The following SGMS1 variants were observed in gnomAD, a reference collection of about 807,000 sequenced individuals.
The protein encoded by SGMS1 is phosphatidylcholine:ceramide cholinephosphotransferase 1.
In SGMS1, 13 loss-of-function variants were observed where a neutral mutation model predicts 46.2. That is an observed-to-expected ratio of 0.28 (90% CI 0.18 to 0.45). The LOEUF (loss-of-function observed/expected upper bound fraction) is 0.45, where lower values mean the gene tolerates loss of function less well. SGMS1 is among the 20% of genes least tolerant of loss of function. The probability of loss-of-function intolerance (pLI) is 1.00; values close to 1 mark genes in which losing one functional copy is unlikely to be tolerated. For missense variants in SGMS1, 324 were observed against 519.9 expected (o/e 0.62, Z 3.66); for synonymous variants, 203 against 187.8 (o/e 1.08, Z -0.66).
chr10:50,521,224 A>C (rs936683341), intron 2 of SGMS1, among the ~76,000 whole-genome samples: 5 of 152,204 alleles, frequency 3.3e-5, no homozygotes, highest in African/African-American at 1.2e-4. Context: ...TTGTAGAATA[A>C]TAATAGTACA....
chr10:50,357,881 A>G (rs1358381798), intron 6 of SGMS1, among the ~76,000 whole-genome samples: 1 of 152,236 alleles, frequency 6.6e-6, no homozygotes, highest in African/African-American at 2.4e-5. Context: ...AGGATTCTAG[A>G]TGTTTCTAAA....
intron 7 of SGMS1, 87 bp downstream of exon 7, chr10:50,343,405 T>A (rs1847852729): frequency 2.9e-6 from 4 of 1,389,146 alleles, no homozygotes; most frequent in Non-Finnish European, 3.8e-6. Context: ...TCCCAACAAG[T>A]TGATAAATTT....
At chr10:50,532,634 C>A (rs527383300) in intron 2 of SGMS1, among the ~76,000 whole-genome samples, 2 of 152,320 alleles carry the variant, frequency 1.3e-5, no homozygotes, top group East Asian at 3.9e-4. Flanking sequence ...TGAGGACTTA[C>A]TGTTGTTAAC....
chr10:50,345,027 C>CTAGA (rs1177454087), intron 6 of SGMS1, among the ~76,000 whole-genome samples: 2 of 152,054 alleles, frequency 1.3e-5, no homozygotes, highest in African/African-American at 4.8e-5. Flanking sequence ...TATTTGCTTA[C>CTAGA]TCTACCTCGT....
At chr10:50,492,033 G>A (rs981383878) in intron 3 of SGMS1, among the ~76,000 whole-genome samples, 3 of 152,134 alleles carry the variant, frequency 2.0e-5, no homozygotes, top group Non-Finnish European at 4.4e-5. Flanking sequence ...CAGTAAATGT[G>A]ATTCATCACA....
chr10:50,387,165 T>G (rs565329824), intron 6 of SGMS1, among the ~76,000 whole-genome samples: 2 of 152,284 alleles, frequency 1.3e-5, no homozygotes, highest in South Asian at 4.1e-4. Context: ...GTGTTTTCAG[T>G]TCCTTAAAAT....
intron 2 of SGMS1, among the ~76,000 whole-genome samples, chr10:50,550,915 T>G (rs1183316025): frequency 1.3e-5 from 2 of 152,100 alleles, no homozygotes. Context: ...AAGCATAAAT[T>G]AAATATCCAT....
chr10:50,429,599 TAAAG>T (rs1191353778), intron 6 of SGMS1, among the ~76,000 whole-genome samples: 4 of 152,162 alleles, frequency 2.6e-5, no homozygotes, highest in African/African-American at 9.7e-5. Flanking sequence ...CTTTTAATTA[TAAAG>T]AATTTGTTAA....
At chr10:50,370,437 T>G (rs553674963) in intron 6 of SGMS1, among the ~76,000 whole-genome samples, 4 of 149,784 alleles carry the variant, frequency 2.7e-5, no homozygotes, top group Non-Finnish European at 5.9e-5. Flanking sequence ...CTTAAAAAAT[T>G]TTTTTTTTTT....
intron 6 of SGMS1, among the ~76,000 whole-genome samples, chr10:50,364,089 T>C (rs775232952): frequency 1.7e-4 from 26 of 150,292 alleles, no homozygotes; most frequent in African/African-American, 2.5e-4. Flanking sequence ...ATAGGAACAA[T>C]AGAAAAAGTT....
intron 3 of SGMS1, chr10:50,474,269 G>A (rs1051843492): frequency 1.3e-5 from 2 of 152,168 alleles, no homozygotes; most frequent in Non-Finnish European, 2.9e-5. Flanking sequence ...GATAATTAGA[G>A]GAAACAGCTT....
chr10:50,434,720 C>CAA (rs35940464), intron 5 of SGMS1, among the ~76,000 whole-genome samples: 41,014 of 136,796 alleles, frequency 0.3, 6,188 homozygotes, highest in Middle Eastern at 0.39. Flanking sequence ...ACTAAAAATA[C>CAA]AAAAAAAAAA....
chr10:50,387,183 C>A (rs1447834213), intron 6 of SGMS1, among the ~76,000 whole-genome samples: 4 of 152,114 alleles, frequency 2.6e-5, no homozygotes, highest in African/African-American at 9.7e-5. Flanking sequence ...AATGAGTTAC[C>A]ACACCTGGAG....
chr10:50,321,250 C>T (rs1473935186), intron 8 of SGMS1, among the ~76,000 whole-genome samples: 1 of 152,086 alleles, frequency 6.6e-6, no homozygotes, highest in Non-Finnish European at 1.5e-5. Flanking sequence ...ACAGCACCAT[C>T]AGAATCATGT....
At chr10:50,591,642 A>G (rs1838542039) in intron 1 of SGMS1, among the ~76,000 whole-genome samples, 1 of 152,250 alleles carries the variant, frequency 6.6e-6, no homozygotes, top group Admixed American at 6.5e-5. Flanking sequence ...CACTAACAGA[A>G]GGAAAACAAG....
chr10:50,381,606 G>T lies in SGMS1; in HGVS notation c.-231-37261C>A, dbSNP rs77512091. On this transcript the variant is annotated intron_variant, in intron 6 of 10. Coordinates refer to ENST00000361781, the MANE Select transcript of SGMS1 (RefSeq NM_147156.4). ...AACTTCAGTTTGAGATGATGAAAAT[G>T]ATGATTCTACAACAATATGAAAAAT... is the stretch of plus-strand genomic sequence containing the variant. Among the ~76,000 whole-genome samples, 1,432 of 152,296 alleles carry T rather than the reference G, an allele frequency of 9.4e-3. 27 individuals carry two copies. The highest frequency in any genetic ancestry group is 0.033 in the African/African-American group (1,365 of 41,544).
At chr10:50,593,801 C>A (rs552455179) in intron 1 of SGMS1, among the ~76,000 whole-genome samples, 3 of 152,182 alleles carry the variant, frequency 2.0e-5, no homozygotes, top group Non-Finnish European at 2.9e-5. Context: ...TTTGTCACCA[C>A]GATACAGTTC....
chr10:50,556,213 C>T (rs1468752267), intron 2 of SGMS1, among the ~76,000 whole-genome samples: 1 of 152,188 alleles, frequency 6.6e-6, no homozygotes, highest in East Asian at 1.9e-4. Context: ...TAACCTCATT[C>T]ATTCATTTAA....
chr10:50,623,723 G>A lies in SGMS1; in HGVS notation c.-700C>T, dbSNP rs1241855563. 6 of 985,292 alleles carry A rather than the reference G, an allele frequency of 6.1e-6. No individual in the cohort carries two copies. Among genetic ancestry groups the A allele is most frequent in the Non-Finnish European group, 7.2e-6 (6 of 829,932 alleles). 61.0% of individuals were successfully genotyped at this position (985,292 alleles called of 1,614,324 possible). On this transcript the variant is annotated 5_prime_UTR_variant, in exon 1 of 11. Coordinates refer to ENST00000361781, the MANE Select transcript of SGMS1 (RefSeq NM_147156.4). Reference sequence around the variant, plus strand: ...ACGACTCACTTGCACTGGAGTCACGGCAGCCGCCGGAATTCCGCTCGCGGA... The same window carrying A: ...ACGACTCACTTGCACTGGAGTCACGACAGCCGCCGGAATTCCGCTCGCGGA...
Sources: gnomAD v4.1 joint callset for allele counts (sites outside exome capture counted in the v4.1 genomes callset) on GRCh38, gnomAD v4.1.1 for gene constraint, MANE v1.5 for transcripts, NCBI Gene and HGNC (gene_info 2026-07-23, HGNC 2026-07-21) for gene names.